Variants in TUBGCP5 observed in about 807,000 individuals in gnomAD.
TUBGCP5 encodes tubulin gamma complex component 5.
A neutral mutation model predicts 134.7 loss-of-function variants in TUBGCP5; 98 were observed. The observed-to-expected ratio is 0.73, with a 90% CI of 0.62 to 0.86. The LOEUF (loss-of-function observed/expected upper bound fraction) is 0.86, where lower values mean the gene tolerates loss of function less well. TUBGCP5 is among the 40% of genes least tolerant of loss of function. The pLI, the probability that TUBGCP5 is intolerant of heterozygous loss-of-function variation, is 0.00. For synonymous variants in TUBGCP5, 456 were observed against 431.4 expected (o/e 1.06, Z -0.71); for missense variants, 1,150 against 1,244.8 (o/e 0.92, Z 1.15).
At chr15:23,030,271 T>C (rs951547219) in intron 6 of TUBGCP5, among the ~76,000 whole-genome samples, 1 of 152,160 alleles carries the variant, frequency 6.6e-6, no homozygotes, top group Non-Finnish European at 1.5e-5. Flanking sequence ...TTGCCATCTA[T>C]GTATTAAGAC....
At chr15:23,015,582 C>T (rs1043821579) in intron 13 of TUBGCP5, among the ~76,000 whole-genome samples, 1 of 152,038 alleles carries the variant, frequency 6.6e-6, no homozygotes, top group Admixed American at 6.6e-5. Flanking sequence ...GCAGAGTTTG[C>T]AGTGAGCCGA....
At chr15:23,029,887 A>G (rs2066207796) in intron 6 of TUBGCP5, among the ~76,000 whole-genome samples, 1 of 148,930 alleles carries the variant, frequency 6.7e-6, no homozygotes, top group Admixed American at 6.9e-5. Context: ...TCTCAAAAAA[A>G]GGGGGTGGGG....
At position 23,010,107 on chromosome 15, in the gene TUBGCP5, T is replaced by C; in HGVS notation, c.1982A>G (p.His661Arg). 6.2e-7 allele frequency: 1 copy of C among 1,613,966 alleles called. No homozygotes were observed. Among genetic ancestry groups the C allele is most frequent in the Non-Finnish European group, 8.5e-7 (1 of 1,179,934 alleles). Residue 661 changes from histidine (H) to arginine (R), a missense_variant, in exon 15 of 23, where the codon CAC (histidine) becomes CGC (arginine). His to Arg is a conservative substitution (Grantham distance 29). Around this residue, in one of 2 missense-constraint regions of TUBGCP5, gnomAD observed 697 missense variants for 850.1 expected, o/e 0.82. Coordinates refer to ENST00000615383, the MANE Select transcript of TUBGCP5 (RefSeq NM_052903.6). ...TACATCACCACCAGCAAACTTCTCG[T>C]GAAAGTCACTCTGCTCCAAATACAT... ...ARMYLEQSDF[H>R]EKFAGGDVCV...
chr15:23,026,034 T>C, intron 8 of TUBGCP5, 82 bp downstream of exon 8: 1 of 1,158,332 alleles, frequency 8.6e-7, no homozygotes, highest in Non-Finnish European at 1.2e-6. Context: ...TGAAAATGCT[T>C]GAAAAGTTTC....
downstream of TUBGCP5, among the ~76,000 whole-genome samples, chr15:22,995,542 T>G: frequency 7.4e-6 from 1 of 135,514 alleles, no homozygotes; most frequent in South Asian, 2.3e-4. Flanking sequence ...ACCACTGCAA[T>G]CCAGCCTAGG....
chr15:22,994,050 A>C lies in TUBGCP5; in HGVS notation c.*61+2795T>G, dbSNP rs147554458. Among the ~76,000 whole-genome samples the C allele has an allele frequency of 9.2e-3, 1,403 of 152,192 alleles. 8 individuals carry two copies. Among genetic ancestry groups the C allele is most frequent in the Admixed American group, 0.014 (214 of 15,286 alleles). ...ACACTAAAGGCTCTGTGAATAGATT[A>C]AGGGTGTGTCTCACAGAATCTCTCC... On this transcript the variant is annotated intron_variant and NMD_transcript_variant, in intron 23 of 23. Transcript: ENST00000614508.
At chr15:22,988,614 T>C (rs1018392875) in intron 23 of TUBGCP5, among the ~76,000 whole-genome samples, 9 of 151,090 alleles carry the variant, frequency 6.0e-5, no homozygotes, top group South Asian at 2.1e-4. Flanking sequence ...TGGGTGCCTG[T>C]AGTCCCAGCT....
At chr15:22,989,653 A>G (rs1392572614) in intron 23 of TUBGCP5, among the ~76,000 whole-genome samples, 1 of 152,192 alleles carries the variant, frequency 6.6e-6, no homozygotes, top group African/African-American at 2.4e-5. Flanking sequence ...CTGGGATTAC[A>G]GGTGCAAGTC....
At chr15:23,023,335 A>T (rs79820296) in intron 10 of TUBGCP5, 1 of 99,416 alleles carries the variant, frequency 1.0e-5, no homozygotes, top group Non-Finnish European at 1.9e-5. Flanking sequence ...GTCTCAAATG[A>T]AAAAAAAAAA....
chr15:22,998,301 T>A (rs2064189125), downstream of TUBGCP5, among the ~76,000 whole-genome samples: 1 of 151,998 alleles, frequency 6.6e-6, no homozygotes, highest in African/African-American at 2.4e-5. Flanking sequence ...GGTAACAGAG[T>A]GAGCCTCCAC....
At chr15:23,023,802 T>C in intron 10 of TUBGCP5, 145 bp downstream of exon 10, 1 of 757,416 alleles carries the variant, frequency 1.3e-6, no homozygotes, top group Non-Finnish European at 2.0e-6. Flanking sequence ...CTTAAAAATA[T>C]AAATTTAAAA....
intron 19 of TUBGCP5, 127 bp from the exon 20 acceptor site, chr15:23,004,354 A>G: frequency 3.7e-6 from 4 of 1,082,962 alleles, no homozygotes; most frequent in Non-Finnish European, 3.9e-6. Context: ...ACATCTAGAC[A>G]GTTTCATAAA....
intron 23 of TUBGCP5, among the ~76,000 whole-genome samples, chr15:22,990,096 C>T (rs2063802194): frequency 2.0e-5 from 3 of 152,322 alleles, no homozygotes; most frequent in East Asian, 1.9e-4. Flanking sequence ...ATGAGAGGCA[C>T]TCACAGGCAG....
chr15:23,028,560 T>C (rs1316540803), intron 6 of TUBGCP5, among the ~76,000 whole-genome samples: 1 of 151,996 alleles, frequency 6.6e-6, no homozygotes, highest in African/African-American at 2.4e-5. Flanking sequence ...GGATAAATAG[T>C]AGCATTTAAT....
chr15:23,018,345 T>C (rs1266650775), intron 12 of TUBGCP5, among the ~76,000 whole-genome samples: 1 of 152,234 alleles, frequency 6.6e-6, no homozygotes, highest in African/African-American at 2.4e-5. Context: ...CCATCTGCTG[T>C]GAAACTAATT....
intron 23 of TUBGCP5, among the ~76,000 whole-genome samples, chr15:22,988,128 G>A (rs777683142): frequency 1.5e-4 from 17 of 114,812 alleles, no homozygotes; most frequent in Admixed American, 3.8e-4. Context: ...GAGTCCTGAC[G>A]GACTAAGACA....
chr15:22,987,854 C>T (rs1396813031), intron 23 of TUBGCP5, among the ~76,000 whole-genome samples: 2 of 144,302 alleles, frequency 1.4e-5, no homozygotes, highest in South Asian at 2.2e-4. Context: ...CGAGATTGCG[C>T]CACCACACTC....
chr15:23,006,212 T>C, intron 17 of TUBGCP5, 40 bp from the exon 18 acceptor site: 2 of 1,610,736 alleles, frequency 1.2e-6, no homozygotes, highest in Non-Finnish European at 1.7e-6. Context: ...ACCAATTACT[T>C]GCATGTTTTA....
At chr15:23,038,664 G>C (rs1486209433) in intron 1 of TUBGCP5, among the ~76,000 whole-genome samples, 2 of 152,124 alleles carry the variant, frequency 1.3e-5, no homozygotes, top group South Asian at 4.1e-4. Flanking sequence ...TAAACAGGTA[G>C]AATATTAACA....
Sources: allele counts gnomAD v4.1 joint callset (sites outside exome capture counted in the v4.1 genomes callset), GRCh38; gene constraint gnomAD v4.1.1; regional missense constraint gnomAD v4.1.1; transcripts MANE v1.5; gene names NCBI Gene and HGNC (gene_info 2026-07-23, HGNC 2026-07-21).